ANKRD13D: variants seen among roughly 807,000 people sequenced by gnomAD.
The protein encoded by ANKRD13D is ankyrin repeat domain-containing protein 13D.
In ANKRD13D, 24 loss-of-function variants were observed where a neutral mutation model predicts 68.8. The observed-to-expected ratio is 0.35, with a 90% CI of 0.25 to 0.49. The LOEUF (loss-of-function observed/expected upper bound fraction) is 0.49. ANKRD13D is among the 20% of genes least tolerant of loss of function. The probability of loss-of-function intolerance (pLI) is 0.99; values close to 1 mark genes in which losing one functional copy is unlikely to be tolerated. For synonymous variants in ANKRD13D, 331 were observed against 336.1 expected, an observed-to-expected ratio of 0.98 and a Z score of 0.16; for missense variants, 735 against 832.1, an observed-to-expected ratio of 0.88 and a Z score of 1.44.
In ANKRD13D at chr11:67,291,746, G is replaced by A; in HGVS notation, c.541G>A (p.Glu181Lys). The A allele has an allele frequency of 6.2e-7, 1 of 1,613,784 alleles. No homozygotes were observed. The highest frequency in any genetic ancestry group is 8.5e-7 in the Non-Finnish European group (1 of 1,180,020). ...GAGGAGCTTCATCTTCAAGGGCCAG[G>A]GTGAGCTCTGGACAAACTCATTGCA... ...GRRSFIFKGQ[E>K]AGALVMEVDH... Residue 181 changes from glutamate to lysine, a missense_variant and splice_region_variant, in exon 5 of 15, where the codon GAG becomes AAG. Physicochemically the swap from Glu to Lys is moderately conservative, Grantham distance 56. Coordinates refer to ENST00000511455, the MANE Select transcript of ANKRD13D (RefSeq NM_207354.3).
chr11:67,289,851 C>T, intron 1 of ANKRD13D: 1 of 1,428,266 alleles, frequency 7.0e-7, no homozygotes, highest in Non-Finnish European at 9.1e-7. Context: ...TCCTGACAAC[C>T]TGCAGCTCTG....
At position 67,299,191 on chromosome 11, in the gene ANKRD13D, C is replaced by T. The variant is rs1034769452; in HGVS notation, c.798+67C>T. ...GGTCCAGGAACTCAGCTCCTCTCCA[C>T]ATCCATCCCAGAGTAGCCCCTGGGC... is the stretch of plus-strand genomic sequence containing the variant. On this transcript the variant is annotated intron_variant, in intron 7 of 14. Transcript: ENST00000511455. The surrounding 1 kb of genome is among the most constrained non-coding windows in gnomAD (Gnocchi z 6.2). 45 of 1,570,412 alleles carry T rather than the reference C, an allele frequency of 2.9e-5. No individual in the cohort carries two copies. The highest frequency in any genetic ancestry group is 5.0e-5 in the Admixed American group (3 of 59,888).
In ANKRD13D at chr11:67,301,380, T is replaced by G. The variant is rs1271547289; in HGVS notation, c.1330T>G (p.Ser444Ala). 1.9e-6 allele frequency: 3 copies of G among 1,612,480 alleles called. No homozygotes were observed. Among genetic ancestry groups the G allele is most frequent in the Non-Finnish European group, 2.5e-6 (3 of 1,179,310 alleles). ...CTCCGTGTGGGTGCCGGCCCCCAGC[T>G]CTGCTGTTGCCGCATCAGGTACCCC... ...LSSVWVPAPSSAVAASGNPFP... is the reference protein window; with the variant it reads ...LSSVWVPAPSAAVAASGNPFP... The change falls in exon 12 of 15, where the codon TCT (serine) becomes GCT (alanine). Residue 444 changes from serine (S) to alanine (A), a missense_variant. Transcript: ENST00000511455. This position sits in a 1 kb window ranked among gnomAD's most constrained non-coding sequence, Gnocchi z 4.5.
Position 67,302,311 on chromosome 11 carries a change from G to A in ANKRD13D, c.1797G>A (p.Gln599=). 1 of 1,547,520 alleles carries A rather than the reference G, an allele frequency of 6.5e-7. No individual in the cohort carries two copies. ...QEEEDLQRIL[Q]LSLTEH ...AGGAGGACTTACAGCGGATCCTGCA[G>A]CTGTCACTCACTGAGCACTGAGCCA... The change falls in exon 15 of 15, where the codon CAG becomes CAA. Residue 599 remains glutamine, a synonymous_variant. Coordinates refer to ENST00000511455, the MANE Select transcript of ANKRD13D (RefSeq NM_207354.3).
intron 1 of ANKRD13D, 162 bp downstream of exon 1, chr11:67,289,712 G>A (rs895944562): frequency 1.5e-6 from 2 of 1,343,254 alleles, no homozygotes; most frequent in Non-Finnish European, 1.9e-6. Context: ...CCGGCCCCTC[G>A]CGCCTGAGCC....
intron 6 of ANKRD13D, among the ~76,000 whole-genome samples, chr11:67,292,634 CAAA>C (rs2136522901): frequency 6.6e-6 from 1 of 151,098 alleles, no homozygotes; most frequent in African/African-American, 2.4e-5. Context: ...AAAAAAAAAA[CAAA>C]AAACCTTTAT....
At position 67,301,682 on chromosome 11, in the gene ANKRD13D, C is replaced by T. The variant is rs751758780; in HGVS notation, c.1512+31C>T. 3.1e-6 allele frequency: 5 copies of T among 1,610,694 alleles called. No homozygotes were observed. The Admixed American group carries it at 6.7e-5, about 22-fold the overall frequency. ...ACTTGCCCAGGGGGTGGGCTCTGGC[C>T]TCTGCAGCCACACGGCAGAAGTGAC... is the stretch of plus-strand genomic sequence containing the variant. On this transcript the variant is annotated intron_variant, in intron 13 of 14. Coordinates refer to ENST00000511455, the MANE Select transcript of ANKRD13D (RefSeq NM_207354.3). This position sits in a 1 kb window ranked among gnomAD's most constrained non-coding sequence, Gnocchi z 4.5.
chr11:67,298,959 G>A, intron 6 of ANKRD13D, 99 bp from the exon 7 acceptor site: 2 of 1,299,666 alleles, frequency 1.5e-6, no homozygotes, highest in South Asian at 1.2e-5. Flanking sequence ...TGAGAGTTGG[G>A]CACCCCGGGC....
At chr11:67,290,843 G>A (rs1269550804) in intron 3 of ANKRD13D, 5 of 198,050 alleles carry the variant, frequency 2.5e-5, no homozygotes, top group South Asian at 8.9e-5. Flanking sequence ...GAGCAGGCTC[G>A]GAGGGAGCCA....
chr11:67,292,760 T>A (rs928125654), intron 6 of ANKRD13D, among the ~76,000 whole-genome samples: 1 of 152,200 alleles, frequency 6.6e-6, no homozygotes, highest in Non-Finnish European at 1.5e-5. Flanking sequence ...TTTTAGAACA[T>A]TTTTATCACC....
chr11:67,292,202 CGTGG>C, intron 6 of ANKRD13D, 22 bp downstream of exon 6: 1 of 1,565,150 alleles, frequency 6.4e-7, no homozygotes, highest in Middle Eastern at 1.7e-4. Flanking sequence ...CCTGGCACAC[CGTGG>C]GTGGGATGGG....
chr11:67,293,200 G>A (rs1860646568), intron 6 of ANKRD13D, among the ~76,000 whole-genome samples: 1 of 152,136 alleles, frequency 6.6e-6, no homozygotes, highest in South Asian at 2.1e-4. Flanking sequence ...GAATTGCTAG[G>A]TTACTGATAA....
rs1308620756 is a variant in ANKRD13D at position 67,301,934 on chromosome 11, T to G, written c.1604+111T>G. On this transcript the variant is annotated intron_variant, in intron 14 of 14. Transcript: ENST00000511455. This position sits in a 1 kb window ranked among gnomAD's most constrained non-coding sequence, Gnocchi z 4.5. ...CCAGGCCCTCTGCAAGGCCACCCTC[T>G]GTCAGCAGCGCTATCTGCCACCAAA... 5 of 1,358,886 alleles carry G rather than the reference T, an allele frequency of 3.7e-6. No individual in the cohort carries two copies. In the South Asian group the frequency reaches 7.3e-5, roughly 20 times the overall value. The allele number at this position is 1,358,886 out of a possible 1,614,324, so 84.2% of individuals were successfully genotyped here. A position where few individuals can be genotyped will look rare whatever the true frequency, so the allele number is the denominator to read the frequency against.
In ANKRD13D at chr11:67,291,641, C is replaced by T. The variant is rs377577130; in HGVS notation, c.436C>T (p.Arg146Cys). Reference sequence around the variant, plus strand: ...TAAGATGTGCCCAAGCGATGTGTACCGCGTGTGGAAGCGGGGTGAGAGCCT... The same window carrying T: ...TAAGATGTGCCCAAGCGATGTGTACTGCGTGTGGAAGCGGGGTGAGAGCCT... ...VSKMCPSDVY[R>C]VWKRGESLRV... is the part of the protein sequence containing the mutation. Residue 146 changes from arginine (R) to cysteine (C), a missense_variant, in exon 5 of 15, where the codon CGC becomes TGC. By Grantham distance (180) the Arg-to-Cys change is radical. Coordinates refer to ENST00000511455, the MANE Select transcript of ANKRD13D (RefSeq NM_207354.3). 2.5e-6 allele frequency: 4 copies of T among 1,613,980 alleles called. No individual in the cohort carries two copies. The highest frequency in any genetic ancestry group is 1.6e-4 in the Middle Eastern group (1 of 6,084).
chr11:67,290,913 G>A (rs1175985684), intron 3 of ANKRD13D: 1 of 181,192 alleles, frequency 5.5e-6, no homozygotes, highest in Non-Finnish European at 1.2e-5. Context: ...CTCCCCCAGG[G>A]CTCTGCACAG....
chr11:67,298,901 A>C (rs1860864402), intron 6 of ANKRD13D, 157 bp from the exon 7 acceptor site: 2 of 720,062 alleles, frequency 2.8e-6, no homozygotes, highest in Admixed American at 4.2e-5. Context: ...CCCCCTGTCC[A>C]GGCACCCTCT....
Position 67,302,225 on chromosome 11 carries a change from C to G in ANKRD13D, c.1711C>G (p.Leu571Val), listed in dbSNP as rs1861040060. The G allele has an allele frequency of 6.3e-7, 1 of 1,580,358 alleles. No individual in the cohort carries two copies. Among genetic ancestry groups the G allele is most frequent in the African/African-American group, 1.3e-5 (1 of 74,248 alleles). ...GPPSFEEQLR[L>V]ALELSSREQE... ...ACCCAGCTTTGAAGAGCAGCTGCGCCTGGCCCTGGAGTTGTCTTCACGGGA... is the reference window on the plus strand; with the variant it reads ...ACCCAGCTTTGAAGAGCAGCTGCGCGTGGCCCTGGAGTTGTCTTCACGGGA... Residue 571 changes from leucine to valine, a missense_variant, in exon 15 of 15, where the codon CTG (leucine) becomes GTG (valine). Leu to Val is a conservative substitution (Grantham distance 32). Coordinates refer to ENST00000511455, the MANE Select transcript of ANKRD13D (RefSeq NM_207354.3).
intron 6 of ANKRD13D, among the ~76,000 whole-genome samples, chr11:67,294,153 A>G (rs1402963886): frequency 6.6e-6 from 1 of 152,220 alleles, no homozygotes; most frequent in African/African-American, 2.4e-5. Flanking sequence ...ATAAGTTTTG[A>G]AATTGGAAAG....
intron 6 of ANKRD13D, 190 bp from the exon 7 acceptor site, chr11:67,298,868 C>T: frequency 6.4e-6 from 4 of 621,668 alleles, no homozygotes; most frequent in Non-Finnish European, 1.2e-5. Context: ...GTCTTCTAGT[C>T]CCAAGTCCAT....
Sources: allele counts gnomAD v4.1 joint callset (sites outside exome capture counted in the v4.1 genomes callset), GRCh38; gene constraint gnomAD v4.1.1; non-coding constraint Gnocchi (gnomAD v3.1); transcripts MANE v1.5; gene names NCBI Gene and HGNC (gene_info 2026-07-23, HGNC 2026-07-21).